ATP1A2: variants seen among roughly 807,000 people sequenced by gnomAD.
ATP1A2 encodes ATPase Na+/K+ transporting subunit alpha 2, also known as sodium/potassium-transporting ATPase subunit alpha-2.
Under a neutral mutation model 113.1 loss-of-function variants are expected in ATP1A2, and 56 were observed. That is an observed-to-expected ratio of 0.49 (90% CI 0.40 to 0.62). The LOEUF is 0.62. ATP1A2 is among the 20% of genes least tolerant of loss of function. The pLI is 0.00. For synonymous variants in ATP1A2, 490 were observed against 526.8 expected (o/e 0.93, Z 0.96); for missense variants, 712 against 1,357.8 (o/e 0.52, Z 7.47).
At position 160,141,365 on chromosome 1, in the gene ATP1A2, T is replaced by A. The variant is rs777163741; in HGVS notation, c.*43T>A. The A allele has an allele frequency of 6.2e-7, 1 of 1,610,678 alleles. No homozygotes were observed. Among genetic ancestry groups the A allele is most frequent in the South Asian group, 1.1e-5 (1 of 91,006 alleles). On this transcript the variant is annotated 3_prime_UTR_variant, in exon 23 of 23. Coordinates refer to ENST00000361216, the MANE Select transcript of ATP1A2 (RefSeq NM_000702.4). ...CCAGGCATGGAAAGATGGGGAGCTC[T>A]GGAGGTGTTGTGGGGATGGTGATGG...
At chr1:160,123,547 T>A in intron 4 of ATP1A2, 131 bp downstream of exon 4, 2 of 1,191,882 alleles carry the variant, frequency 1.7e-6, no homozygotes. Flanking sequence ...CATCTTAGGC[T>A]GGAAAGGGGA....
intron 14 of ATP1A2, among the ~76,000 whole-genome samples, chr1:160,134,938 A>G (rs1651886846): frequency 1.3e-5 from 2 of 152,180 alleles, no homozygotes; most frequent in Admixed American, 1.3e-4. Flanking sequence ...TGCACTTACA[A>G]CTGCGATGAT....
chr1:160,115,956 G>A (rs1651163123), intron 1 of ATP1A2, 83 bp downstream of exon 1: 1 of 1,549,742 alleles, frequency 6.5e-7, no homozygotes, highest in Non-Finnish European at 8.8e-7. Context: ...ATGGGATGTG[G>A]AAGGAGCGGG....
intron 3 of ATP1A2, among the ~76,000 whole-genome samples, chr1:160,122,899 A>G (rs1304578249): frequency 6.6e-6 from 1 of 152,144 alleles, no homozygotes; most frequent in Non-Finnish European, 1.5e-5. Flanking sequence ...AAAACAGTTG[A>G]GGTGTCTTTC....
At position 160,135,758 on chromosome 1, in the gene ATP1A2, A is replaced by T; in HGVS notation, c.2285-81A>T. On this transcript the variant is annotated intron_variant, in intron 16 of 22. Transcript: ENST00000361216. This position sits in a 1 kb window ranked among gnomAD's most constrained non-coding sequence, Gnocchi z 6.3. ...AACACAAAATCTTCCTCTCTTGGGA[A>T]GACAGGCAGCCATGCTTCAGGGGCT... 1 of 1,612,326 alleles carries T rather than the reference A, an allele frequency of 6.2e-7. No homozygotes were observed. The highest frequency in any genetic ancestry group is 1.1e-5 in the South Asian group (1 of 90,976).
At chr1:160,129,601 T>G (rs1651704412) in intron 11 of ATP1A2, among the ~76,000 whole-genome samples, 1 of 152,106 alleles carries the variant, frequency 6.6e-6, no homozygotes, top group African/African-American at 2.4e-5. Context: ...ACTCCATCCC[T>G]TACTACAATC....
intron 1 of ATP1A2, among the ~76,000 whole-genome samples, chr1:160,117,257 T>A (rs1336844066): frequency 1.3e-5 from 2 of 152,058 alleles, no homozygotes; most frequent in African/African-American, 4.8e-5. Context: ...GGAAAGGGCA[T>A]CCCTAGCTGA....
Position 160,141,506 on chromosome 1 carries a change from A to G in ATP1A2, c.*184A>G. 4.2e-6 allele frequency: 3 copies of G among 710,050 alleles called. No individual in the cohort carries two copies. The South Asian group carries it at 4.9e-5, about 12-fold the overall frequency. The allele number at this position is 710,050 out of a possible 1,614,324, so 44.0% of individuals were successfully genotyped here. ...ATTGGGGTGATGACCCCATAGACCT[A>G]ACTGTGAACAATCAGATTAGACACT... On this transcript the variant is annotated 3_prime_UTR_variant, in exon 23 of 23. Coordinates refer to ENST00000361216, the MANE Select transcript of ATP1A2 (RefSeq NM_000702.4).
At position 160,123,408 on chromosome 1, in the gene ATP1A2, A is replaced by G; in HGVS notation, c.373A>G (p.Asn125Asp). 2 of 1,614,174 alleles carry G rather than the reference A, an allele frequency of 1.2e-6. No individual in the cohort carries two copies. The highest frequency in any genetic ancestry group is 2.2e-5 in the South Asian group (2 of 91,084). The change falls in exon 4 of 23, where the codon AAC (asparagine) becomes GAC (aspartate). Residue 125 changes from asparagine to aspartate, a missense_variant. Physicochemically the swap from Asn to Asp is conservative, Grantham distance 23. This residue lies in a region of ATP1A2 where 109 missense variants were observed against 162.3 expected (regional missense o/e 0.67). Coordinates refer to ENST00000361216, the MANE Select transcript of ATP1A2 (RefSeq NM_000702.4). Reference sequence around the variant, plus strand: ...GGCTGCCATGGAGGATGAACCATCCAACGACAATGTGAGCCCACACGCCCG... The same window carrying G: ...GGCTGCCATGGAGGATGAACCATCCGACGACAATGTGAGCCCACACGCCCG... Reference protein sequence around the residue: ...IQAAMEDEPSNDNLYLGVVLA... With the variant: ...IQAAMEDEPSDDNLYLGVVLA...
chr1:160,136,833 C>G, intron 19 of ATP1A2, 68 bp from the exon 20 acceptor site: 2 of 1,614,152 alleles, frequency 1.2e-6, no homozygotes, highest in Non-Finnish European at 1.7e-6. Context: ...TCAGGAGAAA[C>G]CATGCTACCT....
chr1:160,121,244 T>C lies in ATP1A2; in HGVS notation c.170T>C (p.Leu57Pro), dbSNP rs748802547. ...CTGGGCCGCAAATACCAAGTGGACC[T>C]GTCCAAGGTGAGTGGAGGGGCTTCT... is the stretch of plus-strand genomic sequence containing the variant. ...DELGRKYQVD[L>P]SKGLTNQRAQ... Residue 57 changes from leucine to proline, a missense_variant, in exon 3 of 23, where the codon CTG becomes CCG. Physicochemically the swap from Leu to Pro is moderately conservative, Grantham distance 98. This residue lies in a region of ATP1A2 where 109 missense variants were observed against 162.3 expected (regional missense o/e 0.67). Transcript: ENST00000361216. 7 of 1,614,224 alleles carry C rather than the reference T, an allele frequency of 4.3e-6. No individual in the cohort carries two copies. The highest frequency in any genetic ancestry group is 2.2e-5 in the East Asian group (1 of 44,888).
chr1:160,115,795 C>A lies in ATP1A2; in HGVS notation c.-67C>A. ...AGGGTCTCCGACTGTCCCAGACGGG[C>A]TGGTGTGGGCTTGGGATCCTCCTGG... On this transcript the variant is annotated 5_prime_UTR_variant, in exon 1 of 23. It adds an upstream start codon to the 5' untranslated region. Coordinates refer to ENST00000361216, the MANE Select transcript of ATP1A2 (RefSeq NM_000702.4). 1.3e-6 allele frequency: 2 copies of A among 1,561,434 alleles called. No homozygotes were observed. Among genetic ancestry groups the A allele is most frequent in the African/African-American group, 1.4e-5 (1 of 74,000 alleles).
intron 4 of ATP1A2, among the ~76,000 whole-genome samples, chr1:160,123,672 T>G (rs1053188534): frequency 4.6e-5 from 7 of 152,240 alleles, no homozygotes; most frequent in African/African-American, 1.7e-4. Flanking sequence ...AGTGAGCCTG[T>G]CTGTGTGCCT....
intron 3 of ATP1A2, among the ~76,000 whole-genome samples, chr1:160,121,547 ACTTCAG>A (rs1228794335): frequency 1.3e-5 from 2 of 152,174 alleles, no homozygotes; most frequent in Non-Finnish European, 2.9e-5. Context: ...ACCCCAAGCA[ACTTCAG>A]TTGCACACAG....
At position 160,135,708 on chromosome 1, in the gene ATP1A2, G is replaced by T; in HGVS notation, c.2284+106G>T. 1 of 1,609,682 alleles carries T rather than the reference G, an allele frequency of 6.2e-7. No individual in the cohort carries two copies. On this transcript the variant is annotated intron_variant, in intron 16 of 22. Coordinates refer to ENST00000361216, the MANE Select transcript of ATP1A2 (RefSeq NM_000702.4). This position sits in a 1 kb window ranked among gnomAD's most constrained non-coding sequence, Gnocchi z 6.3. ...AAGAATCATTCCACAACTCTAGGCA[G>T]CCCAGCCCACTTTAGCTTCCCTTGA...
chr1:160,116,960 T>C (rs1651204989), intron 1 of ATP1A2, among the ~76,000 whole-genome samples: 1 of 151,980 alleles, frequency 6.6e-6, no homozygotes, highest in African/African-American at 2.4e-5. Context: ...TCTGTGTCTG[T>C]GTGTGTGTGA....
intron 20 of ATP1A2, among the ~76,000 whole-genome samples, chr1:160,137,594 A>C (rs1651996400): frequency 6.6e-6 from 1 of 152,218 alleles, no homozygotes; most frequent in Non-Finnish European, 1.5e-5. Context: ...CAAGGTCACC[A>C]AGATGGTAAG....
At chr1:160,131,923 A>G (rs1255238825) in intron 13 of ATP1A2, among the ~76,000 whole-genome samples, 1 of 152,124 alleles carries the variant, frequency 6.6e-6, no homozygotes, top group Non-Finnish European at 1.5e-5. Flanking sequence ...GACTGGGACT[A>G]TGAAGCATGA....
intron 13 of ATP1A2, among the ~76,000 whole-genome samples, chr1:160,134,236 CA>C (rs2101993828): frequency 6.6e-4 from 4 of 6,088 alleles, no homozygotes; most frequent in East Asian, 1.7e-3. Flanking sequence ...AATCCCCACC[CA>C]CACACACACA....
Sources: allele counts gnomAD v4.1 joint callset (sites outside exome capture counted in the v4.1 genomes callset), GRCh38; gene constraint gnomAD v4.1.1; regional missense constraint gnomAD v4.1.1; non-coding constraint Gnocchi (gnomAD v3.1); transcripts MANE v1.5; gene names NCBI Gene and HGNC (gene_info 2026-07-23, HGNC 2026-07-21).